The following SNRPN variants were observed in gnomAD, a reference collection of about 807,000 sequenced individuals.
SNRPN encodes the protein small nuclear ribonucleoprotein-associated protein N.
In SNRPN, 7 loss-of-function variants were observed where a neutral mutation model predicts 25.2. The ratio of observed to expected loss-of-function variants is 0.28; its 90% CI spans 0.16 to 0.52. SNRPN has a LOEUF of 0.52. SNRPN is among the 20% of genes least tolerant of loss of function. The probability of loss-of-function intolerance (pLI) is 0.96; values close to 1 mark genes in which losing one functional copy is unlikely to be tolerated. For synonymous variants in SNRPN, 124 were observed against 110.6 expected (o/e 1.12, Z -0.76); for missense variants, 196 against 322.5 (o/e 0.61, Z 3.00).
intron 1 of SNRPN, among the ~76,000 whole-genome samples, chr15:24,863,392 G>A (rs1277080560): frequency 1.3e-5 from 2 of 150,336 alleles, no homozygotes; most frequent in East Asian, 2.0e-4. Context: ...CTGCAGAGGT[G>A]GCAGCAATGA....
intron 1 of SNRPN, among the ~76,000 whole-genome samples, chr15:24,878,483 C>T (rs1189221599): frequency 6.6e-6 from 1 of 152,350 alleles, no homozygotes; most frequent in East Asian, 1.9e-4. Context: ...CGTTTCCGTG[C>T]GCCCCGAGGG....
chr15:24,911,820 T>G (rs1239672476), intron 2 of SNRPN, among the ~76,000 whole-genome samples: 1 of 152,180 alleles, frequency 6.6e-6, no homozygotes, highest in Non-Finnish European at 1.5e-5. Context: ...GTGCCCTCAC[T>G]AGGGCAATAC....
Position 24,908,940 on chromosome 15 carries a change from C to A in SNRPN, c.-504-11071C>A, listed in dbSNP as rs186746594. ...GAAAATTGTTTGGTTTAGCTCTCAG[C>A]AGCCTGCTTCTGAGCTCTGAGGAAG... On this transcript the variant is annotated intron_variant, in intron 2 of 11. Coordinates refer to the SNRPN transcript ENST00000400097. 228 of 1,225,386 alleles carry A rather than the reference C, an allele frequency of 1.9e-4. No homozygotes were observed. The African/African-American group carries it at 3.1e-3, about 16-fold the overall frequency. The allele number at this position is 1,225,386 out of a possible 1,614,324, so 75.9% of individuals were successfully genotyped here.
rs555314066 is a variant in SNRPN, at chr15:24,956,578, A to AGTGGGGCGAGAC, written c.-391+1524_-391+1535dup. Among the ~76,000 whole-genome samples, 688 of 152,306 alleles carry AGTGGGGCGAGAC rather than the reference A, an allele frequency of 4.5e-3. 1 individual carries two copies. The highest frequency in any genetic ancestry group is 8.5e-3 in the Non-Finnish European group (577 of 68,030). ...AGAGGTGACAGTCGCCTCCGCTTGC[A>AGTGGGGCGAGAC]GTGGGGCGAGACGTGGGGCAGGGGA... is the stretch of plus-strand genomic sequence containing the variant. On this transcript the variant is annotated intron_variant, in intron 1 of 9. Coordinates refer to ENST00000390687, the MANE Select transcript of SNRPN (RefSeq NM_003097.6).
upstream of SNRPN, among the ~76,000 whole-genome samples, chr15:24,852,928 TATCTC>T (rs1404000261): frequency 2.0e-5 from 3 of 152,042 alleles, no homozygotes; most frequent in African/African-American, 7.2e-5. Flanking sequence ...AGTGAGACCA[TATCTC>T]AACAAAAAAG....
intron 2 of SNRPN, chr15:24,908,825 T>C (rs2059026729): frequency 3.8e-6 from 2 of 527,228 alleles, no homozygotes; most frequent in African/African-American, 1.9e-5. Context: ...AATCTTTCTC[T>C]AGAGTCTTGG....
chr15:24,920,316 A>AT (rs1179678443), intron 3 of SNRPN, among the ~76,000 whole-genome samples: 2 of 151,946 alleles, frequency 1.3e-5, no homozygotes, highest in Non-Finnish European at 2.9e-5. Flanking sequence ...TTATTTCCCC[A>AT]TTTTTTGGAT....
chr15:24,921,953 C>A (rs919338191), intron 3 of SNRPN, among the ~76,000 whole-genome samples: 1 of 150,518 alleles, frequency 6.6e-6, no homozygotes, highest in East Asian at 2.0e-4. Flanking sequence ...AATCCCAGCA[C>A]TTTGGGAGGC....
chr15:24,876,787 G>C (rs973212195), intron 1 of SNRPN, among the ~76,000 whole-genome samples: 2 of 152,028 alleles, frequency 1.3e-5, no homozygotes, highest in Middle Eastern at 3.2e-3. Context: ...ATGTAAATTA[G>C]AACTAATAAA....
At chr15:24,928,399 A>T (rs1443332964) in intron 3 of SNRPN, among the ~76,000 whole-genome samples, 1 of 152,208 alleles carries the variant, frequency 6.6e-6, no homozygotes, top group African/African-American at 2.4e-5. Flanking sequence ...TTAGCCATAA[A>T]AAAAGAATGA....
At chr15:24,898,883 C>T (rs894826204) in intron 2 of SNRPN, among the ~76,000 whole-genome samples, 1 of 152,164 alleles carries the variant, frequency 6.6e-6, no homozygotes, top group Non-Finnish European at 1.5e-5. Context: ...AGGCCCCAAG[C>T]TCTGGGACCC....
At chr15:24,961,644 GT>G (rs148888516) in intron 1 of SNRPN, among the ~76,000 whole-genome samples, 3,395 of 152,048 alleles carry the variant, frequency 0.022, 132 homozygotes, top group African/African-American at 0.078. Flanking sequence ...CCATTTGCAT[GT>G]TTTTTTAAAG....
intron 3 of SNRPN, among the ~76,000 whole-genome samples, chr15:24,924,401 A>T (rs573169534): frequency 6.6e-6 from 1 of 152,106 alleles, no homozygotes; most frequent in East Asian, 1.9e-4. Context: ...CTCTCCTGTG[A>T]TAGGAGCCAA....
chr15:24,858,802 T>C (rs1486584050), intron 1 of SNRPN, among the ~76,000 whole-genome samples: 1 of 151,914 alleles, frequency 6.6e-6, no homozygotes, highest in Non-Finnish European at 1.5e-5. Context: ...CTCTGTGGGG[T>C]ATGATGAGGC....
chr15:24,858,805 G>A (rs1194983425), intron 1 of SNRPN, among the ~76,000 whole-genome samples: 1 of 152,032 alleles, frequency 6.6e-6, no homozygotes, highest in East Asian at 1.9e-4. Context: ...TGTGGGGTAT[G>A]ATGAGGCTTC....
intron 1 of SNRPN, among the ~76,000 whole-genome samples, chr15:24,875,701 T>C (rs2149168225): frequency 6.6e-6 from 1 of 152,310 alleles, no homozygotes; most frequent in East Asian, 1.9e-4. Flanking sequence ...TGAGGACTGC[T>C]TGAGCCCAGG....
At chr15:24,888,158 G>C (rs1467018547) in intron 2 of SNRPN, among the ~76,000 whole-genome samples, 1 of 147,522 alleles carries the variant, frequency 6.8e-6, no homozygotes, top group Non-Finnish European at 1.5e-5. Context: ...GCCCGGGCTA[G>C]AATGCAGTGG....
chr15:24,924,248 G>C (rs11637165), intron 3 of SNRPN, among the ~76,000 whole-genome samples: 1 of 151,914 alleles, frequency 6.6e-6, no homozygotes, highest in Admixed American at 6.6e-5. Flanking sequence ...AGAAGCTTAT[G>C]TACCCTCTTC....
chr15:24,977,454 C>T (rs541133842), intron 7 of SNRPN, among the ~76,000 whole-genome samples: 1 of 152,164 alleles, frequency 6.6e-6, no homozygotes, highest in South Asian at 2.1e-4. Context: ...GCCCGGCCCA[C>T]GTGGTGAAAA....
Sources: allele counts gnomAD v4.1 joint callset (sites outside exome capture counted in the v4.1 genomes callset), GRCh38; gene constraint gnomAD v4.1.1; transcripts MANE v1.5; gene names NCBI Gene and HGNC (gene_info 2026-07-23, HGNC 2026-07-21).